VWC2L: variants seen among roughly 807,000 people sequenced by gnomAD.
VWC2L encodes the protein von Willebrand factor C domain-containing protein 2-like.
VWC2L carries 10 observed loss-of-function variants against 21.6 expected under a neutral mutation model. The ratio of observed to expected loss-of-function variants is 0.46; its 90% CI spans 0.29 to 0.78. The LOEUF is 0.78. Among genes scored for constraint, VWC2L ranks in the 30% least tolerant of loss-of-function variants. The pLI is 0.10. For missense variants in VWC2L, 209 were observed against 277.1 expected (o/e 0.75, Z 1.74); for synonymous variants, 96 against 94.3 (o/e 1.02, Z -0.10).
intron 3 of VWC2L, among the ~76,000 whole-genome samples, chr2:214,502,394 A>AC (rs1292852249): frequency 1.6e-4 from 24 of 151,844 alleles, no homozygotes; most frequent in South Asian, 4.2e-4. Flanking sequence ...ATATGGTGAA[A>AC]CCCCCCCTCT....
At chr2:214,480,721 A>C (rs1688590244) in intron 3 of VWC2L, among the ~76,000 whole-genome samples, 1 of 152,030 alleles carries the variant, frequency 6.6e-6, no homozygotes, top group African/African-American at 2.4e-5. Flanking sequence ...TCCAGGAAGG[A>C]GCTTGGAAAA....
At chr2:214,562,260 C>T (rs1336103482) in intron 3 of VWC2L, among the ~76,000 whole-genome samples, 1 of 152,044 alleles carries the variant, frequency 6.6e-6, no homozygotes. Context: ...TTTCTGTTCC[C>T]GTGTTAGTTT....
chr2:214,504,755 A>C (rs1423106583), intron 3 of VWC2L, among the ~76,000 whole-genome samples: 1 of 149,448 alleles, frequency 6.7e-6, no homozygotes, highest in Non-Finnish European at 1.5e-5. Flanking sequence ...CATAACGTTC[A>C]TTATTTTATC....
intron 3 of VWC2L, among the ~76,000 whole-genome samples, chr2:214,556,274 A>G (rs1689871594): frequency 6.6e-6 from 1 of 152,048 alleles, no homozygotes; most frequent in Non-Finnish European, 1.5e-5. Flanking sequence ...AATAAATAAA[A>G]TTTAGTTTTG....
intron 3 of VWC2L, among the ~76,000 whole-genome samples, chr2:214,568,888 G>T (rs115308523): frequency 0.019 from 2,835 of 152,120 alleles, 35 homozygotes; most frequent in Middle Eastern, 0.034. Context: ...TATTGCATGT[G>T]ACCCTGGTCT....
intron 2 of VWC2L, among the ~76,000 whole-genome samples, chr2:214,426,541 G>T (rs1193675884): frequency 6.6e-6 from 1 of 152,172 alleles, no homozygotes; most frequent in Non-Finnish European, 1.5e-5. Context: ...TAAGTATCTT[G>T]CACATGCATT....
At chr2:214,444,606 T>A (rs1419045720) in intron 3 of VWC2L, among the ~76,000 whole-genome samples, 1 of 151,920 alleles carries the variant, frequency 6.6e-6, no homozygotes, top group African/African-American at 2.4e-5. Flanking sequence ...AAAAAATGCA[T>A]TTGGGGCATT....
At chr2:214,414,644 T>C (rs1702328225) in intron 2 of VWC2L, 61 bp downstream of exon 2, 1 of 1,534,900 alleles carries the variant, frequency 6.5e-7, no homozygotes, top group South Asian at 1.2e-5. Context: ...GCTTAGTACA[T>C]TGCTACATTA....
chr2:214,480,001 C>A (rs1478409897), intron 3 of VWC2L, among the ~76,000 whole-genome samples: 1 of 151,978 alleles, frequency 6.6e-6, no homozygotes, highest in Non-Finnish European at 1.5e-5. Context: ...TAATTACTTT[C>A]TAAATAATGT....
chr2:214,447,076 G>A (rs1158304742), intron 3 of VWC2L, among the ~76,000 whole-genome samples: 1 of 152,120 alleles, frequency 6.6e-6, no homozygotes, highest in Non-Finnish European at 1.5e-5. Flanking sequence ...TCTGTGAAGT[G>A]TGCATGGTAG....
In VWC2L at chr2:214,459,697, G is replaced by A. The variant is rs142221407; in HGVS notation, c.520+22939G>A. Among the ~76,000 whole-genome samples the A allele has an allele frequency of 4.6e-5, 7 of 152,160 alleles. No homozygotes were observed. In the East Asian group the frequency reaches 5.8e-4, roughly 13 times the overall value. On this transcript the variant is annotated intron_variant, in intron 3 of 3. Transcript: ENST00000312504. ...TCTTTTTACATGTCTGGAAAAGACT[G>A]GTCTTCCTTCATTTATGAATAACTT...
rs111453153 is a variant in VWC2L at position 214,526,140 on chromosome 2, C to T, written c.521-49532C>T. Among the ~76,000 whole-genome samples the T allele has an allele frequency of 4.0e-5, 6 of 150,572 alleles. No homozygotes were observed. In the South Asian group the frequency reaches 6.3e-4, roughly 16 times the overall value. ...TAATCACTCTGGAAGCTCAGAATAA[C>T]GTATATATCCACAGAGAAATAAGTA... On this transcript the variant is annotated intron_variant, in intron 3 of 3. Coordinates refer to ENST00000312504, the MANE Select transcript of VWC2L (RefSeq NM_001080500.4).
chr2:214,506,080 G>T (rs980225784), intron 3 of VWC2L, among the ~76,000 whole-genome samples: 2 of 152,108 alleles, frequency 1.3e-5, no homozygotes, highest in African/African-American at 4.8e-5. Context: ...AAGGTCTCAG[G>T]AAGGACAGTT....
intron 3 of VWC2L, among the ~76,000 whole-genome samples, chr2:214,515,026 T>C (rs1689118103): frequency 1.3e-5 from 2 of 152,146 alleles, no homozygotes; most frequent in Admixed American, 1.3e-4. Context: ...TTAAAATACA[T>C]CATAAAAAGC....
At chr2:214,526,951 C>A (rs1689348661) in intron 3 of VWC2L, among the ~76,000 whole-genome samples, 1 of 152,158 alleles carries the variant, frequency 6.6e-6, no homozygotes, top group Non-Finnish European at 1.5e-5. Flanking sequence ...GACATGGAAT[C>A]AACCTAGGTA....
chr2:214,496,122 T>C (rs932722590), intron 3 of VWC2L, among the ~76,000 whole-genome samples: 1 of 152,096 alleles, frequency 6.6e-6, no homozygotes, highest in African/African-American at 2.4e-5. Context: ...AACCTATTGA[T>C]CCTATGCTAC....
chr2:214,467,587 T>C (rs550534235), intron 3 of VWC2L, among the ~76,000 whole-genome samples: 7 of 152,296 alleles, frequency 4.6e-5, no homozygotes, highest in African/African-American at 1.2e-4. Flanking sequence ...TATTGATTTT[T>C]TTATGGTTTC....
chr2:214,544,794 TAC>T (rs1460840569), intron 3 of VWC2L, among the ~76,000 whole-genome samples: 1 of 152,162 alleles, frequency 6.6e-6, no homozygotes, highest in Non-Finnish European at 1.5e-5. Flanking sequence ...TAGGGTATTC[TAC>T]ACCCTATACC....
intron 3 of VWC2L, among the ~76,000 whole-genome samples, chr2:214,565,622 G>A (rs538262239): frequency 2.6e-5 from 4 of 152,226 alleles, no homozygotes; most frequent in African/African-American, 9.6e-5. Flanking sequence ...TTTCTTCATT[G>A]ATGTCTTGAC....
Sources: gnomAD v4.1 joint callset for allele counts (sites outside exome capture counted in the v4.1 genomes callset) on GRCh38, gnomAD v4.1.1 for gene constraint, MANE v1.5 for transcripts, NCBI Gene and HGNC (gene_info 2026-07-23, HGNC 2026-07-21) for gene names.